The following MAML2 variants were observed in gnomAD, a reference collection of about 807,000 sequenced individuals.
The protein encoded by MAML2 is mastermind-like protein 2.
Under a neutral mutation model 96.1 loss-of-function variants are expected in MAML2, and 22 were observed. The observed-to-expected ratio is 0.23, with a 90% confidence interval of 0.16 to 0.33. MAML2 has a LOEUF of 0.33. Among genes scored for constraint, MAML2 ranks in the 10% least tolerant of loss-of-function variants. MAML2 has a pLI of 1.00. For synonymous variants in MAML2, 561 were observed against 521.3 expected (o/e 1.08, Z -1.04); for missense variants, 1,367 against 1,392.4 (o/e 0.98, Z 0.29).
At chr11:96,240,557 CAAA>C (rs55659413) in intron 1 of MAML2, among the ~76,000 whole-genome samples, 25 of 51,092 alleles carry the variant, frequency 4.9e-4, no homozygotes, top group African/African-American at 1.2e-3. Flanking sequence ...GACTCCGTCT[CAAA>C]AAAAAAAAAA....
intron 1 of MAML2, among the ~76,000 whole-genome samples, chr11:96,139,369 G>A (rs1413377434): frequency 1.3e-5 from 2 of 151,876 alleles, no homozygotes; most frequent in Non-Finnish European, 2.9e-5. Flanking sequence ...CCCAGCTACT[G>A]GGGAGGCTGA....
chr11:96,298,234 T>G (rs771832963), intron 1 of MAML2, among the ~76,000 whole-genome samples: 1 of 152,232 alleles, frequency 6.6e-6, no homozygotes, highest in Non-Finnish European at 1.5e-5. Flanking sequence ...GCAAACAGCA[T>G]GCTTATGTTC....
rs1308064534 is a variant in MAML2, at chr11:95,977,140, A to G, written c.*1808T>C. 5.2e-6 allele frequency: 1 copy of G among 192,956 alleles called. No individual in the cohort carries two copies. The highest frequency in any genetic ancestry group is 2.3e-5 in the African/African-American group (1 of 43,054). The allele number at this position is 192,956 out of a possible 1,614,324, so 12.0% of individuals were successfully genotyped here. A position where few individuals can be genotyped will look rare whatever the true frequency, so the allele number is the denominator to read the frequency against. On this transcript the variant is annotated 3_prime_UTR_variant, in exon 5 of 5. Coordinates refer to ENST00000524717, the MANE Select transcript of MAML2 (RefSeq NM_032427.4). ...AGTGTAGAGCTAAAAATAAACCATCATATTATACAAAACTTTGCATATTAG... is the reference window on the plus strand; with the variant it reads ...AGTGTAGAGCTAAAAATAAACCATCGTATTATACAAAACTTTGCATATTAG...
chr11:96,197,451 G>A (rs1422493683), intron 1 of MAML2, among the ~76,000 whole-genome samples: 1 of 152,208 alleles, frequency 6.6e-6, no homozygotes, highest in Admixed American at 6.5e-5. Flanking sequence ...CAAGTAGCCA[G>A]AGAAGCAATT....
chr11:96,314,704 C>G (rs1282877859), intron 1 of MAML2, among the ~76,000 whole-genome samples: 1 of 152,222 alleles, frequency 6.6e-6, no homozygotes, highest in Non-Finnish European at 1.5e-5. Context: ...CCTGAGTCAA[C>G]TACTGTTCCA....
chr11:96,160,772 A>T (rs1410292675), intron 1 of MAML2, among the ~76,000 whole-genome samples: 1 of 152,174 alleles, frequency 6.6e-6, no homozygotes, highest in East Asian at 1.9e-4. Context: ...CCCCAATTTA[A>T]AGATTCGTTT....
chr11:96,289,890 A>G (rs181454936), intron 1 of MAML2, among the ~76,000 whole-genome samples: 82 of 151,010 alleles, frequency 5.4e-4, no homozygotes, highest in African/African-American at 1.9e-3. Flanking sequence ...TTAATGTAAA[A>G]CTACTCAAGA....
chr11:96,320,763 G>C (rs1263085321), intron 1 of MAML2, among the ~76,000 whole-genome samples: 1 of 152,180 alleles, frequency 6.6e-6, no homozygotes, highest in African/African-American at 2.4e-5. Flanking sequence ...ATGAATGCCT[G>C]CTACAACCAG....
chr11:96,135,016 C>T (rs756032662), intron 1 of MAML2, among the ~76,000 whole-genome samples: 1 of 152,200 alleles, frequency 6.6e-6, no homozygotes, highest in Non-Finnish European at 1.5e-5. Flanking sequence ...TAGCAACATG[C>T]TATGGTTTGA....
chr11:96,266,908 G>T (rs998041276), intron 1 of MAML2, among the ~76,000 whole-genome samples: 4 of 152,154 alleles, frequency 2.6e-5, no homozygotes, highest in Admixed American at 1.3e-4. Context: ...AGAAATACGT[G>T]AGGCTTAATA....
At chr11:96,087,835 T>C (rs1859642738) in intron 2 of MAML2, among the ~76,000 whole-genome samples, 1 of 152,204 alleles carries the variant, frequency 6.6e-6, no homozygotes, top group East Asian at 1.9e-4. Context: ...TTGGATATCA[T>C]ACTATTGCAA....
chr11:96,285,851 A>G (rs879133109), intron 1 of MAML2, among the ~76,000 whole-genome samples: 1 of 152,202 alleles, frequency 6.6e-6, no homozygotes, highest in African/African-American at 2.4e-5. Context: ...TGCAAAGAAA[A>G]AGGAATGCTT....
chr11:96,146,542 C>T (rs1860824861), intron 1 of MAML2, among the ~76,000 whole-genome samples: 1 of 152,186 alleles, frequency 6.6e-6, no homozygotes. Context: ...CATTTTTGAC[C>T]TTCAGCATCT....
At chr11:96,141,860 C>T (rs1565227079) in intron 1 of MAML2, among the ~76,000 whole-genome samples, 1 of 152,360 alleles carries the variant, frequency 6.6e-6, no homozygotes, top group Non-Finnish European at 1.5e-5. Flanking sequence ...CTGTGGCCAA[C>T]ATTACCAACA....
intron 1 of MAML2, among the ~76,000 whole-genome samples, chr11:96,113,679 G>A (rs905192159): frequency 3.3e-5 from 5 of 151,618 alleles, no homozygotes; most frequent in African/African-American, 9.7e-5. Context: ...AAATGGTTAC[G>A]AATGATGAAA....
At chr11:96,294,919 C>T (rs1863270013) in intron 1 of MAML2, among the ~76,000 whole-genome samples, 1 of 152,112 alleles carries the variant, frequency 6.6e-6, no homozygotes, top group Non-Finnish European at 1.5e-5. Flanking sequence ...TGCATGTAGC[C>T]ATCAAGAAAA....
At chr11:96,236,698 A>G (rs1862371333) in intron 1 of MAML2, among the ~76,000 whole-genome samples, 1 of 152,186 alleles carries the variant, frequency 6.6e-6, no homozygotes, top group Admixed American at 6.5e-5. Flanking sequence ...AATATATATT[A>G]ACATATAACA....
chr11:96,124,058 C>T (rs1441410761), intron 1 of MAML2, among the ~76,000 whole-genome samples: 1 of 129,038 alleles, frequency 7.7e-6, no homozygotes, highest in Non-Finnish European at 1.5e-5. Flanking sequence ...CAACGAGCAA[C>T]GAGCAACCAG....
chr11:95,980,394 G>A (rs76565194), intron 4 of MAML2, among the ~76,000 whole-genome samples: 4,669 of 151,936 alleles, frequency 0.031, 111 homozygotes, highest in Middle Eastern at 0.089. Context: ...TGCTACACAC[G>A]GCTCCTAGAT....
Sources: allele counts gnomAD v4.1 joint callset (sites outside exome capture counted in the v4.1 genomes callset), GRCh38; gene constraint gnomAD v4.1.1; transcripts MANE v1.5; gene names NCBI Gene and HGNC (gene_info 2026-07-23, HGNC 2026-07-21).